Variants in ZNRF3 observed in about 807,000 individuals in gnomAD.
ZNRF3 encodes zinc and ring finger 3, also known as E3 ubiquitin-protein ligase ZNRF3.
Under a neutral mutation model 72.5 loss-of-function variants are expected in ZNRF3, and 23 were observed. That is an observed-to-expected ratio of 0.32 (90% CI 0.23 to 0.45). The LOEUF is 0.45. Ranked by LOEUF, ZNRF3 falls within the 20% of genes least tolerant of loss-of-function variation. The pLI, the probability that ZNRF3 is intolerant of heterozygous loss-of-function variation, is 1.00. For synonymous variants in ZNRF3, 610 were observed against 545.3 expected, an observed-to-expected ratio of 1.12 and a Z score of -1.65; for missense variants, 1,169 against 1,272.1, an observed-to-expected ratio of 0.92 and a Z score of 1.23.
rs79729841 is a variant in ZNRF3, at chr22:28,924,815, A to G, written c.300+40749A>G. Among the ~76,000 whole-genome samples the G allele has an allele frequency of 6.1e-3, 936 of 152,310 alleles. 12 individuals are homozygous for G. The highest frequency in any genetic ancestry group is 0.021 in the African/African-American group (889 of 41,558). ...GGTCAGTCATTCCTTGGGTCTAGAA[A>G]GGAAGCTCATCTGTCCCTTCCCTAG... On this transcript the variant is annotated intron_variant, in intron 1 of 8. Coordinates refer to ENST00000544604, the MANE Select transcript of ZNRF3 (RefSeq NM_001206998.2).
intron 1 of ZNRF3, among the ~76,000 whole-genome samples, chr22:28,973,757 T>C (rs1433512747): frequency 6.6e-6 from 1 of 152,068 alleles, no homozygotes; most frequent in Non-Finnish European, 1.5e-5. Context: ...GTGAAAGAAA[T>C]TTAAAAAAAA....
rs1365162240 is a variant in ZNRF3 at position 29,049,842 on chromosome 22, G to A, written c.1661G>A (p.Ser554Asn). ...ADCPGSDSSS[S>N]SSSGQCHCSS... Reference sequence around the variant, plus strand: ...TGCCCAGGCAGCGACAGCAGCAGCAGCAGCAGCTCCGGCCAGTGCCACTGT... The same window carrying A: ...TGCCCAGGCAGCGACAGCAGCAGCAACAGCAGCTCCGGCCAGTGCCACTGT... The change falls in exon 8 of 9, where the codon AGC becomes AAC. Residue 554 changes from serine (S) to asparagine (N), a missense_variant. By Grantham distance (46) the Ser-to-Asn change is conservative. This residue lies in a region of ZNRF3 where 783 missense variants were observed against 731.4 expected (regional missense o/e 1.07). Transcript: ENST00000544604. The surrounding 1 kb of genome is among the most constrained non-coding windows in gnomAD (Gnocchi z 5.2). 1 of 1,608,872 alleles carries A rather than the reference G, an allele frequency of 6.2e-7. No individual in the cohort carries two copies. Among genetic ancestry groups the A allele is most frequent in the East Asian group, 2.2e-5 (1 of 44,808 alleles).
intron 1 of ZNRF3, among the ~76,000 whole-genome samples, chr22:28,937,017 A>T (rs2034831785): frequency 6.6e-6 from 1 of 151,786 alleles, no homozygotes; most frequent in Admixed American, 6.6e-5. Context: ...TACTGCATAC[A>T]GGTTTAGGAT....
chr22:28,899,693 C>T (rs5762888), intron 1 of ZNRF3, among the ~76,000 whole-genome samples: 78,562 of 132,258 alleles, frequency 0.59, 24,413 homozygotes, highest in Non-Finnish European at 0.69. Flanking sequence ...TTCTTTCTTT[C>T]TTTTTTTTTT....
At chr22:28,895,197 T>C (rs1380138081) in intron 1 of ZNRF3, among the ~76,000 whole-genome samples, 1 of 152,224 alleles carries the variant, frequency 6.6e-6, no homozygotes, top group African/African-American at 2.4e-5. Flanking sequence ...TCTCAAGTTA[T>C]GCTACTGAGG....
chr22:29,049,320 C>A lies in ZNRF3; in HGVS notation c.1139C>A (p.Ala380Asp), dbSNP rs952445239. 6.2e-7 allele frequency: 1 copy of A among 1,613,790 alleles called. No individual in the cohort carries two copies. The highest frequency in any genetic ancestry group is 1.3e-5 in the African/African-American group (1 of 74,902). ...GTGCACAGGACCAACGCCATCCCAGCCTACCCTACGAGGACAAGCATGGAC... is the reference window on the plus strand; with the variant it reads ...GTGCACAGGACCAACGCCATCCCAGACTACCCTACGAGGACAAGCATGGAC... ...GRVHRTNAIP[A>D]YPTRTSMDSH... Residue 380 changes from alanine to aspartate, a missense_variant, in exon 8 of 9, where the codon GCC becomes GAC. Physicochemically the swap from Ala to Asp is moderately radical, Grantham distance 126 (BLOSUM62 -2). Around this residue, in one of 2 missense-constraint regions of ZNRF3, gnomAD observed 386 missense variants for 540.7 expected, o/e 0.71. Transcript: ENST00000544604. The surrounding 1 kb of genome is among the most constrained non-coding windows in gnomAD (Gnocchi z 5.2).
intron 3 of ZNRF3, among the ~76,000 whole-genome samples, chr22:29,042,922 G>A (rs1034098306): frequency 6.6e-6 from 1 of 152,056 alleles, no homozygotes; most frequent in African/African-American, 2.4e-5. Context: ...TTATAGGCAC[G>A]AGCCACCACG....
At position 29,056,486 on chromosome 22, in the gene ZNRF3, T is replaced by G. The variant is rs968615659; in HGVS notation, c.*2864T>G. On this transcript the variant is annotated 3_prime_UTR_variant, in exon 9 of 9. Transcript: ENST00000544604. Reference sequence around the variant, plus strand: ...AATAAAATAACCGATGGTCTTATTTTGTCACACGTAAATCAAAAGAAATGT... The same window carrying G: ...AATAAAATAACCGATGGTCTTATTTGGTCACACGTAAATCAAAAGAAATGT... The G allele has an allele frequency of 6.6e-6, 1 of 152,262 alleles. No homozygotes were observed. 9.4% of individuals were successfully genotyped at this position (152,262 alleles called of 1,614,324 possible).
At chr22:29,034,999 C>CTTT (rs10607848) in intron 2 of ZNRF3, among the ~76,000 whole-genome samples, 59 of 131,196 alleles carry the variant, frequency 4.5e-4, no homozygotes, top group Non-Finnish European at 7.0e-4. Flanking sequence ...TTTGTTAGAC[C>CTTT]TTTTTTTTTT....
chr22:29,029,891 A>G (rs886708401), intron 2 of ZNRF3, among the ~76,000 whole-genome samples: 1 of 152,158 alleles, frequency 6.6e-6, no homozygotes, highest in Non-Finnish European at 1.5e-5. Context: ...CTGCCACCTA[A>G]TTAACACTTG....
intron 2 of ZNRF3, among the ~76,000 whole-genome samples, chr22:28,993,626 G>T (rs766838445): frequency 1.3e-5 from 2 of 152,206 alleles, no homozygotes; most frequent in Non-Finnish European, 2.9e-5. Flanking sequence ...GGGAGAGGGG[G>T]AGCATGTAAG....
rs1369525727 is a variant in ZNRF3 at position 29,042,486 on chromosome 22, C to T, written c.427-9C>T. ...GAGGGCCAACCTGCTGTTTTTTTAACTCTGGCAGGCCAAGCGAGCAGTACA... is the reference window on the plus strand; with the variant it reads ...GAGGGCCAACCTGCTGTTTTTTTAATTCTGGCAGGCCAAGCGAGCAGTACA... On this transcript the variant is annotated splice_polypyrimidine_tract_variant and intron_variant, in intron 2 of 8. Transcript: ENST00000544604. The T allele has an allele frequency of 1.9e-6, 3 of 1,613,458 alleles. No individual in the cohort carries two copies. The African/African-American group carries it at 4.0e-5, about 22-fold the overall frequency.
chr22:29,048,504 C>G lies in ZNRF3; in HGVS notation c.1015+13C>G. Reference sequence around the variant, plus strand: ...CACAACATCATAGGTAACTGTCACCCGCCTTAGCCATTGCTGAAGAGTCAA... The same window carrying G: ...CACAACATCATAGGTAACTGTCACCGGCCTTAGCCATTGCTGAAGAGTCAA... On this transcript the variant is annotated intron_variant, in intron 7 of 8. Coordinates refer to ENST00000544604, the MANE Select transcript of ZNRF3 (RefSeq NM_001206998.2). The surrounding 1 kb of genome is among the most constrained non-coding windows in gnomAD (Gnocchi z 4.9). 6.2e-7 allele frequency: 1 copy of G among 1,613,282 alleles called. No homozygotes were observed. Among genetic ancestry groups the G allele is most frequent in the Non-Finnish European group, 8.5e-7 (1 of 1,179,242 alleles).
At chr22:28,931,630 C>T (rs2034708734) in intron 1 of ZNRF3, among the ~76,000 whole-genome samples, 3 of 152,134 alleles carry the variant, frequency 2.0e-5, no homozygotes, top group African/African-American at 7.2e-5. Flanking sequence ...TCCATCTGTC[C>T]ACCCATCTGT....
At chr22:29,010,540 G>A (rs13057105) in intron 2 of ZNRF3, among the ~76,000 whole-genome samples, 2 of 152,004 alleles carry the variant, frequency 1.3e-5, no homozygotes. Flanking sequence ...TTTGATTACT[G>A]TAAATAATGC....
chr22:29,053,244 C>CT (rs1433867573), intron 8 of ZNRF3, among the ~76,000 whole-genome samples: 1 of 152,232 alleles, frequency 6.6e-6, no homozygotes, highest in African/African-American at 2.4e-5. Context: ...ATTACTTTGT[C>CT]TCAAGGTTCG....
At chr22:29,031,610 G>A in intron 2 of ZNRF3, 1 of 985,452 alleles carries the variant, frequency 1.0e-6, no homozygotes, top group Non-Finnish European at 1.2e-6. Context: ...AACTCGAGGA[G>A]GAGGAAAGGA....
chr22:29,039,439 A>G lies in ZNRF3; in HGVS notation c.427-3056A>G, dbSNP rs1000183495. 5.3e-5 allele frequency among the ~76,000 whole-genome samples: 8 copies of G among 152,136 alleles called. 1 individual carries two copies. The highest frequency in any genetic ancestry group is 1.2e-4 in the Non-Finnish European group (8 of 68,026). On this transcript the variant is annotated intron_variant, in intron 2 of 8. Transcript: ENST00000544604. The stretch of plus-strand genomic sequence containing the variant: ...CCGAGGGTGCTGTTTGATGTGCTTG[A>G]TTGTGGAATGAAAGCCAAATAAAGG...
Position 29,056,738 on chromosome 22 carries a change from A to G in ZNRF3, c.*3116A>G, listed in dbSNP as rs2037307007. On this transcript the variant is annotated 3_prime_UTR_variant, in exon 9 of 9. Transcript: ENST00000544604. ...AGTGAAGAGTTCTAGAACCAGCTAA[A>G]AATGGAAGTTTGGGTGTTTACCAAC... The G allele has an allele frequency of 6.6e-6, 1 of 152,240 alleles. No individual in the cohort carries two copies. Among genetic ancestry groups the G allele is most frequent in the South Asian group, 2.1e-4 (1 of 4,828 alleles). 9.4% of individuals were successfully genotyped at this position (152,240 alleles called of 1,614,324 possible). A position where few individuals can be genotyped will look rare whatever the true frequency, so the allele number is the denominator to read the frequency against.
Sources: allele counts gnomAD v4.1 joint callset (sites outside exome capture counted in the v4.1 genomes callset), GRCh38; gene constraint gnomAD v4.1.1; regional missense constraint gnomAD v4.1.1; non-coding constraint Gnocchi (gnomAD v3.1); transcripts MANE v1.5; gene names NCBI Gene and HGNC (gene_info 2026-07-23, HGNC 2026-07-21).